RGS22: variants seen among roughly 807,000 people sequenced by gnomAD.
The protein encoded by RGS22 is regulator of G protein signaling 22, also known as regulator of G-protein signaling 22.
Under a neutral mutation model 172.9 loss-of-function variants are expected in RGS22, and 148 were observed. The observed-to-expected ratio is 0.86, with a 90% confidence interval of 0.75 to 0.98. The LOEUF is 0.98. RGS22 is among the 50% of genes least tolerant of loss of function. The pLI, the probability that RGS22 is intolerant of heterozygous loss-of-function variation, is 0.00. For missense variants in RGS22, 1,347 were observed against 1,440.8 expected, an observed-to-expected ratio of 0.93 and a Z score of 1.05; for synonymous variants, 458 against 480.2, an observed-to-expected ratio of 0.95 and a Z score of 0.60.
intron 4 of RGS22, among the ~76,000 whole-genome samples, chr8:100,078,986 T>C (rs1308792212): frequency 6.6e-6 from 1 of 152,258 alleles, no homozygotes; most frequent in African/African-American, 2.4e-5. Flanking sequence ...AGTTTTATAA[T>C]AGACATGCTT....
intron 6 of RGS22, among the ~76,000 whole-genome samples, chr8:100,071,049 G>A (rs144307428): frequency 0.015 from 2,248 of 152,264 alleles, 45 homozygotes; most frequent in African/African-American, 0.048. Context: ...TTGGGAGGCG[G>A]AGGTGAGTGG....
intron 11 of RGS22, among the ~76,000 whole-genome samples, chr8:100,047,085 G>T (rs541045678): frequency 6.6e-6 from 1 of 152,150 alleles, no homozygotes; most frequent in Admixed American, 6.6e-5. Context: ...AAAATGCTGC[G>T]ATTACAGCTC....
chr8:100,022,114 C>T (rs1421402874), intron 14 of RGS22, among the ~76,000 whole-genome samples: 1 of 152,092 alleles, frequency 6.6e-6, no homozygotes, highest in African/African-American at 2.4e-5. Context: ...TGGAGCTTTT[C>T]ACAGATGGAT....
At chr8:100,072,071 A>G (rs1245831116) in intron 5 of RGS22, 74 bp downstream of exon 5, 1 of 849,622 alleles carries the variant, frequency 1.2e-6, no homozygotes, top group African/African-American at 1.8e-5. Context: ...GGTGGCATAC[A>G]GCTGTAGTCC....
At position 100,080,261 on chromosome 8, in the gene RGS22, AT is replaced by A. The variant is rs1344877867; in HGVS notation, c.211del (p.Ile71PhefsTer15). On this transcript the variant is annotated frameshift_variant, in exon 4 of 28. Transcript: ENST00000360863. LOFTEE classifies it high-confidence loss of function. ...ATTTCGAGGTTGCTGGTTTTGTAGA[AT>A]TTTTTTCAGTTGTTTTTCCAGAAAT... Reference protein sequence around the residue: ...PQFLEKQLKKILQNQQPRNPI... With the variant: ...PQFLEKQLKKXLQNQQPRNPI... 3 of 1,613,684 alleles carry A rather than the reference AT, an allele frequency of 1.9e-6. No homozygotes were observed. Among genetic ancestry groups the A allele is most frequent in the Non-Finnish European group, 1.7e-6 (2 of 1,179,840 alleles).
intron 4 of RGS22, among the ~76,000 whole-genome samples, chr8:100,079,569 G>A (rs1248431821): frequency 6.6e-6 from 1 of 152,154 alleles, no homozygotes; most frequent in East Asian, 1.9e-4. Flanking sequence ...AACCTAAGTA[G>A]TAGGTAGTAA....
At chr8:100,089,928 A>G (rs1210348464) in intron 3 of RGS22, among the ~76,000 whole-genome samples, 1 of 152,170 alleles carries the variant, frequency 6.6e-6, no homozygotes, top group Non-Finnish European at 1.5e-5. Flanking sequence ...TACTAGATGC[A>G]TGACCTAATA....
chr8:100,037,999 T>G (rs896484779), intron 14 of RGS22, among the ~76,000 whole-genome samples: 1 of 152,164 alleles, frequency 6.6e-6, no homozygotes, highest in Non-Finnish European at 1.5e-5. Context: ...GAAGTAACAG[T>G]GAACATCCAG....
chr8:99,965,933 G>A (rs1810683604), intron 23 of RGS22, among the ~76,000 whole-genome samples: 1 of 152,220 alleles, frequency 6.6e-6, no homozygotes. Context: ...TTGTTTATCT[G>A]CTGTAGAACA....
At chr8:100,070,121 A>G (rs1369734799) in intron 6 of RGS22, among the ~76,000 whole-genome samples, 1 of 152,020 alleles carries the variant, frequency 6.6e-6, no homozygotes, top group Non-Finnish European at 1.5e-5. Context: ...AATTCTCTAA[A>G]TAAGAGATTT....
intron 14 of RGS22, among the ~76,000 whole-genome samples, chr8:100,021,380 G>C (rs1265136780): frequency 6.6e-6 from 1 of 152,128 alleles, no homozygotes; most frequent in Admixed American, 6.5e-5. Context: ...ATTTAGAAAA[G>C]GTCAAAACTA....
intron 14 of RGS22, among the ~76,000 whole-genome samples, chr8:100,012,418 G>A (rs1021215062): frequency 2.6e-5 from 4 of 152,116 alleles, no homozygotes; most frequent in Admixed American, 6.6e-5. Context: ...AATTTCACAG[G>A]TCAAGAATTT....
intron 2 of RGS22, among the ~76,000 whole-genome samples, chr8:100,099,837 A>T (rs1262770517): frequency 1.3e-5 from 2 of 152,226 alleles, no homozygotes; most frequent in African/African-American, 4.8e-5. Flanking sequence ...TCTTAAAGAA[A>T]CAAGAACAGG....
intron 15 of RGS22, 80 bp from the exon 16 acceptor site, chr8:100,006,189 T>C: frequency 9.1e-7 from 1 of 1,103,064 alleles, no homozygotes; most frequent in Non-Finnish European, 1.3e-6. Flanking sequence ...ACAAATACAG[T>C]TGCCAATAAA....
Position 99,982,800 on chromosome 8 carries a change from A to T in RGS22, c.3181-684T>A, listed in dbSNP as rs187721456. On this transcript the variant is annotated intron_variant, in intron 21 of 27. Transcript: ENST00000360863. ...AAATTAATGATCACACATTAAAATG[A>T]GCCACTTAAAAAATTGTCAACATTT... 2.6e-5 allele frequency among the ~76,000 whole-genome samples: 4 copies of T among 152,294 alleles called. No individual in the cohort carries two copies. The East Asian group carries it at 7.7e-4, about 29-fold the overall frequency.
chr8:100,054,799 G>A (rs1822071623), intron 9 of RGS22, among the ~76,000 whole-genome samples: 1 of 152,006 alleles, frequency 6.6e-6, no homozygotes, highest in Non-Finnish European at 1.5e-5. Flanking sequence ...TTACTTATTT[G>A]CATGTCAACC....
chr8:100,053,165 C>G (rs1440865991), intron 9 of RGS22, among the ~76,000 whole-genome samples, 189 bp from the exon 10 acceptor site: 1 of 152,072 alleles, frequency 6.6e-6, no homozygotes. Flanking sequence ...CAGCTGCCTG[C>G]AATCCCATTG....
chr8:100,088,282 C>A (rs773798517), intron 3 of RGS22, among the ~76,000 whole-genome samples: 1 of 152,038 alleles, frequency 6.6e-6, no homozygotes, highest in Admixed American at 6.6e-5. Context: ...CCTATCCTTG[C>A]GAGGAGGGTA....
At chr8:100,001,273 G>A (rs3133717) in intron 18 of RGS22, among the ~76,000 whole-genome samples, 1,498 of 130,838 alleles carry the variant, frequency 0.011, 54 homozygotes, top group East Asian at 0.11. Context: ...CACTCACTCT[G>A]TTGTCTAGGC....
Sources: allele counts gnomAD v4.1 joint callset (sites outside exome capture counted in the v4.1 genomes callset), GRCh38; gene constraint gnomAD v4.1.1; transcripts MANE v1.5; gene names NCBI Gene and HGNC (gene_info 2026-07-23, HGNC 2026-07-21).